Variants in CLUAP1 observed in about 807,000 individuals in gnomAD.
CLUAP1 encodes clusterin-associated protein 1.
In CLUAP1, 50 loss-of-function variants were observed where a neutral mutation model predicts 55.0. That is an observed-to-expected ratio of 0.91 (90% CI 0.72 to 1.15). The LOEUF is 1.15. CLUAP1 is among the 50% of genes most tolerant of loss of function. The pLI, the probability that CLUAP1 is intolerant of heterozygous loss-of-function variation, is 0.00. For missense variants in CLUAP1, 530 were observed against 507.6 expected, an observed-to-expected ratio of 1.04 and a Z score of -0.42; for synonymous variants, 195 against 175.4, an observed-to-expected ratio of 1.11 and a Z score of -0.88.
At chr16:3,513,355 A>T (rs926721599) in intron 5 of CLUAP1, among the ~76,000 whole-genome samples, 1 of 152,200 alleles carries the variant, frequency 6.6e-6, no homozygotes. Flanking sequence ...TTGATTTGCA[A>T]TCCTTATTCC....
chr16:3,526,651 G>A (rs1021530697), intron 9 of CLUAP1, among the ~76,000 whole-genome samples, 167 bp downstream of exon 9: 2 of 150,320 alleles, frequency 1.3e-5, no homozygotes, highest in African/African-American at 2.5e-5. Flanking sequence ...CTTCAATTTT[G>A]AAAAGTATAA....
intron 8 of CLUAP1, among the ~76,000 whole-genome samples, chr16:3,523,565 C>T (rs556847891): frequency 8.6e-4 from 131 of 152,298 alleles, no homozygotes; most frequent in Admixed American, 2.5e-3. Flanking sequence ...TGTGTGGCTG[C>T]GTAAGACCCT....
intron 9 of CLUAP1, among the ~76,000 whole-genome samples, chr16:3,529,882 T>C (rs1205105122): frequency 2.1e-5 from 2 of 95,416 alleles, no homozygotes; most frequent in Non-Finnish European, 3.9e-5. Flanking sequence ...AATTTATAAA[T>C]TTATATTTAT....
At chr16:3,514,024 G>A (rs574388099) in intron 5 of CLUAP1, among the ~76,000 whole-genome samples, 2 of 152,302 alleles carry the variant, frequency 1.3e-5, no homozygotes, top group African/African-American at 4.8e-5. Flanking sequence ...ATGAAGTGTG[G>A]TTGGCAGAAT....
intron 4 of CLUAP1, 129 bp downstream of exon 4, chr16:3,508,597 C>A: frequency 1.4e-6 from 1 of 739,426 alleles, no homozygotes; most frequent in Non-Finnish European, 2.0e-6. Flanking sequence ...CAGTTTTGTG[C>A]TCATCAGCAT....
rs372977033 is a variant in CLUAP1 at position 3,515,611 on chromosome 16, A to G, written c.579+20A>G. The G allele has an allele frequency of 2.0e-5, 31 of 1,530,816 alleles. No homozygotes were observed. The highest frequency in any genetic ancestry group is 2.6e-5 in the Non-Finnish European group (29 of 1,125,878). The allele number at this position is 1,530,816 out of a possible 1,614,324, so 94.8% of individuals were successfully genotyped here. A position where few individuals can be genotyped will look rare whatever the true frequency, so the allele number is the denominator to read the frequency against. On this transcript the variant is annotated intron_variant, in intron 6 of 11. Coordinates refer to ENST00000576634, the MANE Select transcript of CLUAP1 (RefSeq NM_015041.3). ...ATTTTGGTAAGATGACTTTGCTTTT[A>G]TATAATGTTTTTTATGCCTGGGATT...
intron 2 of CLUAP1, among the ~76,000 whole-genome samples, chr16:3,505,198 A>G (rs936303308): frequency 4.6e-5 from 7 of 151,704 alleles, no homozygotes; most frequent in South Asian, 2.1e-4. Context: ...TGATCATGCT[A>G]TTGCACACCA....
intron 11 of CLUAP1, chr16:3,533,119 C>G: frequency 6.5e-7 from 1 of 1,536,126 alleles, no homozygotes; most frequent in Non-Finnish European, 8.7e-7. Context: ...CACCAGCTCT[C>G]TTAGGTAAAT....
chr16:3,514,285 T>G (rs2037689492), intron 5 of CLUAP1, among the ~76,000 whole-genome samples: 2 of 152,228 alleles, frequency 1.3e-5, no homozygotes, highest in South Asian at 4.1e-4. Flanking sequence ...TGGCTGAAAC[T>G]GTTCCCAAGG....
chr16:3,499,065 A>G (rs79914905), upstream of CLUAP1, among the ~76,000 whole-genome samples: 2,123 of 152,388 alleles, frequency 0.014, 24 homozygotes, highest in East Asian at 0.04. Context: ...CATTTTTCCA[A>G]TGGAAATATA....
chr16:3,504,133 G>A (rs1392943100), intron 1 of CLUAP1, among the ~76,000 whole-genome samples: 2 of 151,950 alleles, frequency 1.3e-5, no homozygotes, highest in African/African-American at 2.4e-5. Context: ...CTGTTTTATA[G>A]TAAATCTAAA....
intron 7 of CLUAP1, 28 bp from the exon 8 acceptor site, chr16:3,523,130 T>A (rs1191404292): frequency 1.9e-6 from 3 of 1,590,398 alleles, no homozygotes; most frequent in Non-Finnish European, 1.7e-6. Flanking sequence ...AATTCACCTT[T>A]CCTTTTTATT....
At chr16:3,530,179 G>A (rs936672448) in intron 9 of CLUAP1, among the ~76,000 whole-genome samples, 25 of 151,652 alleles carry the variant, frequency 1.6e-4, no homozygotes, top group African/African-American at 5.6e-4. Flanking sequence ...TCTTCAAGGC[G>A]GAGCCCTCAT....
At chr16:3,506,624 TC>T (rs2037512287) in intron 3 of CLUAP1, among the ~76,000 whole-genome samples, 1 of 152,108 alleles carries the variant, frequency 6.6e-6, no homozygotes, top group South Asian at 2.1e-4. Flanking sequence ...TGTCTCAGCC[TC>T]CCGAGTAGCT....
At chr16:3,529,684 T>TTATTATATATTATATATTATTATA (rs2038053311) in intron 9 of CLUAP1, among the ~76,000 whole-genome samples, 1 of 6,940 alleles carries the variant, frequency 1.4e-4, no homozygotes, top group African/African-American at 6.0e-4. Context: ...ATATTATATA[T>TTATTATATATTATATATTATTATA]TATTATATAT....
chr16:3,522,815 T>A (rs1396331009), intron 7 of CLUAP1, among the ~76,000 whole-genome samples: 1 of 151,454 alleles, frequency 6.6e-6, no homozygotes, highest in Non-Finnish European at 1.5e-5. Flanking sequence ...TGCATTCCTA[T>A]CTATATTTAT....
intron 1 of CLUAP1, among the ~76,000 whole-genome samples, chr16:3,503,468 T>C (rs1399135028): frequency 1.3e-5 from 2 of 152,204 alleles, no homozygotes; most frequent in African/African-American, 4.8e-5. Flanking sequence ...CGGCAACTTT[T>C]GTATTTTTAG....
intron 4 of CLUAP1, chr16:3,510,072 G>T (rs185691949): frequency 6.7e-6 from 1 of 148,890 alleles, no homozygotes; most frequent in African/African-American, 2.5e-5. Flanking sequence ...TCAGCTCACT[G>T]CAACCTCTGC....
Position 3,506,380 on chromosome 16 carries a change from C to T in CLUAP1, c.184C>T (p.Arg62Ter), listed in dbSNP as rs775975564. Residue 62 changes from arginine (R) to a stop codon, truncating the protein, a stop_gained, in exon 3 of 12, where the codon CGA becomes TGA. Transcript: ENST00000576634. LOFTEE classifies it high-confidence loss of function. ...GCCTGACGTGGATACTGAACAGGAC[C>T]GAGTTTTCTTCATTAAGGCAATTGC... The part of the protein sequence containing the change: ...IPPDVDTEQD[R>*]VFFIKAIAQF... 2.2e-5 allele frequency: 35 copies of T among 1,614,030 alleles called. No homozygotes were observed. The highest frequency in any genetic ancestry group is 2.7e-5 in the Non-Finnish European group (32 of 1,179,966).
Sources: allele counts gnomAD v4.1 joint callset (sites outside exome capture counted in the v4.1 genomes callset), GRCh38; gene constraint gnomAD v4.1.1; transcripts MANE v1.5; gene names NCBI Gene and HGNC (gene_info 2026-07-23, HGNC 2026-07-21).